The following KHDRBS2 variants were observed in gnomAD, a reference collection of about 807,000 sequenced individuals.
KHDRBS2 encodes the protein KH domain-containing, RNA-binding, signal transduction-associated protein 2.
KHDRBS2 carries 26 observed loss-of-function variants against 44.3 expected under a neutral mutation model. The ratio of observed to expected loss-of-function variants is 0.59; its 90% confidence interval spans 0.43 to 0.81. The LOEUF (loss-of-function observed/expected upper bound fraction) is 0.81, where lower values mean the gene tolerates loss of function less well. Among genes scored for constraint, KHDRBS2 ranks in the 40% least tolerant of loss-of-function variants. The pLI is 0.00. For missense variants in KHDRBS2, 476 were observed against 433.1 expected (o/e 1.10, Z -0.88); for synonymous variants, 194 against 151.1 (o/e 1.28, Z -2.08).
intron 4 of KHDRBS2, among the ~76,000 whole-genome samples, chr6:61,963,677 A>C (rs749142797): frequency 6.6e-5 from 10 of 152,126 alleles, no homozygotes; most frequent in East Asian, 1.9e-4. Flanking sequence ...GTCCTAACCC[A>C]ATCTAAATTA....
intron 6 of KHDRBS2, 58 bp downstream of exon 6, chr6:61,894,577 A>G: frequency 7.3e-7 from 1 of 1,375,246 alleles, no homozygotes; most frequent in Non-Finnish European, 1.0e-6. Context: ...TTTGAGACGT[A>G]GCTTGTTAAC....
chr6:61,978,288 A>C, intron 3 of KHDRBS2, 76 bp from the exon 4 acceptor site: 1 of 1,176,922 alleles, frequency 8.5e-7, no homozygotes, highest in South Asian at 1.5e-5. Context: ...GAATATGACA[A>C]AGGTGTATAA....
chr6:61,753,002 C>T (rs769153450), intron 6 of KHDRBS2, among the ~76,000 whole-genome samples: 3 of 152,018 alleles, frequency 2.0e-5, no homozygotes, highest in Non-Finnish European at 4.4e-5. Flanking sequence ...TCTTAGTTAC[C>T]TTTCATTGGG....
At chr6:62,056,597 T>G (rs1790337661) in intron 2 of KHDRBS2, among the ~76,000 whole-genome samples, 1 of 152,036 alleles carries the variant, frequency 6.6e-6, no homozygotes, top group South Asian at 2.1e-4. Context: ...TTAAACATAT[T>G]ATGTTGGATG....
chr6:62,107,101 G>C (rs962825833), intron 2 of KHDRBS2, among the ~76,000 whole-genome samples: 3 of 151,492 alleles, frequency 2.0e-5, no homozygotes, highest in African/African-American at 7.3e-5. Flanking sequence ...AGGGCAATTA[G>C]GCAGGAGAAG....
At chr6:61,806,550 T>C (rs980081425) in intron 6 of KHDRBS2, among the ~76,000 whole-genome samples, 2 of 152,186 alleles carry the variant, frequency 1.3e-5, no homozygotes, top group African/African-American at 2.4e-5. Context: ...ATATAGGAGA[T>C]AAGTGGACTT....
the KHDRBS2 span, among the ~76,000 whole-genome samples, chr6:61,617,517 C>A: frequency 6.6e-6 from 1 of 151,862 alleles, no homozygotes; most frequent in African/African-American, 2.4e-5. Context: ...ATCTTGTAAA[C>A]CAGATTTATT....
intron 2 of KHDRBS2, among the ~76,000 whole-genome samples, chr6:62,173,437 A>C (rs1255791308): frequency 6.6e-6 from 1 of 152,060 alleles, no homozygotes; most frequent in East Asian, 1.9e-4. Context: ...AAATTGAATC[A>C]GTAATAAACA....
the KHDRBS2 span, among the ~76,000 whole-genome samples, chr6:61,560,790 C>A: frequency 1.3e-5 from 2 of 152,102 alleles, no homozygotes; most frequent in East Asian, 1.9e-4. Context: ...GGTCACTTAT[C>A]TCTGTCTGTC....
intron 4 of KHDRBS2, among the ~76,000 whole-genome samples, chr6:61,963,210 G>T (rs1217928623): frequency 6.6e-6 from 1 of 151,944 alleles, no homozygotes; most frequent in Non-Finnish European, 1.5e-5. Context: ...TAAACTCCTG[G>T]TTTAATGTAA....
chr6:61,795,073 A>G (rs1343608074), intron 6 of KHDRBS2, among the ~76,000 whole-genome samples: 1 of 125,800 alleles, frequency 7.9e-6, no homozygotes. Flanking sequence ...CGGGAGGTGG[A>G]GGTTGCAGTG....
intron 4 of KHDRBS2, among the ~76,000 whole-genome samples, chr6:61,931,089 T>C (rs1013003586): frequency 5.5e-4 from 83 of 152,084 alleles, no homozygotes; most frequent in African/African-American, 1.9e-3. Context: ...TACAATAAAA[T>C]ATTTTTATAT....
At chr6:62,218,853 C>A (rs1479245783) in intron 1 of KHDRBS2, among the ~76,000 whole-genome samples, 2 of 151,742 alleles carry the variant, frequency 1.3e-5, no homozygotes, top group East Asian at 3.9e-4. Flanking sequence ...AAAATAAAAT[C>A]ATGTCTTTTG....
the KHDRBS2 span, among the ~76,000 whole-genome samples, chr6:61,575,560 G>A: frequency 6.6e-6 from 1 of 152,076 alleles, no homozygotes; most frequent in Non-Finnish European, 1.5e-5. Context: ...ATTCCTTAAA[G>A]AACTAAAAGT....
chr6:61,569,269 C>A, the KHDRBS2 span, among the ~76,000 whole-genome samples: 1 of 152,136 alleles, frequency 6.6e-6, no homozygotes, highest in Non-Finnish European at 1.5e-5. Context: ...CCCAGACCCT[C>A]CTAATCTTGA....
the KHDRBS2 span, among the ~76,000 whole-genome samples, chr6:61,670,354 T>C: frequency 6.6e-6 from 1 of 151,414 alleles, no homozygotes; most frequent in Non-Finnish European, 1.5e-5. Context: ...TCCAGAGAAG[T>C]TTCTCTGATG....
intron 2 of KHDRBS2, among the ~76,000 whole-genome samples, chr6:62,111,588 C>A (rs1196239052): frequency 6.6e-6 from 1 of 152,074 alleles, no homozygotes; most frequent in Non-Finnish European, 1.5e-5. Context: ...TCAAAGTTAA[C>A]TAGACAGTTT....
rs1167429345 is a variant in KHDRBS2 at position 61,874,483 on chromosome 6, A to G, written c.810+20152T>C. Among the ~76,000 whole-genome samples, 3 of 152,220 alleles carry G rather than the reference A, an allele frequency of 2.0e-5. No homozygotes were observed. In the East Asian group the frequency reaches 5.8e-4, roughly 30 times the overall value. On this transcript the variant is annotated intron_variant, in intron 6 of 8. Coordinates refer to ENST00000281156, the MANE Select transcript of KHDRBS2 (RefSeq NM_152688.4). ...ACTTTTTCCCCCATTCTTCATCACCAGTAATCACTACTACACATACACTTT... is the reference window on the plus strand; with the variant it reads ...ACTTTTTCCCCCATTCTTCATCACCGGTAATCACTACTACACATACACTTT...
At chr6:61,874,343 T>C (rs1286215496) in intron 6 of KHDRBS2, among the ~76,000 whole-genome samples, 1 of 152,160 alleles carries the variant, frequency 6.6e-6, no homozygotes, top group Non-Finnish European at 1.5e-5. Flanking sequence ...TTTGTCAACA[T>C]AGTATAAGAA....
Sources: allele counts gnomAD v4.1 joint callset (sites outside exome capture counted in the v4.1 genomes callset), GRCh38; gene constraint gnomAD v4.1.1; transcripts MANE v1.5; gene names NCBI Gene and HGNC (gene_info 2026-07-23, HGNC 2026-07-21).